The following AOPEP variants were observed in gnomAD, a reference collection of about 807,000 sequenced individuals.
The protein encoded by AOPEP is aminopeptidase O (putative).
In AOPEP, 77 loss-of-function variants were observed where a neutral mutation model predicts 98.1. That is an observed-to-expected ratio of 0.78 (90% CI 0.65 to 0.95). The LOEUF (loss-of-function observed/expected upper bound fraction) is 0.95. Ranked by LOEUF, AOPEP falls within the 40% of genes least tolerant of loss-of-function variation. The pLI is 0.00. For synonymous variants in AOPEP, 346 were observed against 365.3 expected (o/e 0.95, Z 0.60); for missense variants, 1,024 against 1,024.7 (o/e 1.00, Z 0.01).
At chr9:95,073,600 T>C (rs1433509952) in intron 14 of AOPEP, among the ~76,000 whole-genome samples, 3 of 152,224 alleles carry the variant, frequency 2.0e-5, no homozygotes, top group Middle Eastern at 3.4e-3. Context: ...CTCACACCTG[T>C]AATGCCACCA....
chr9:95,000,435 C>T (rs766800166), intron 11 of AOPEP, among the ~76,000 whole-genome samples: 33 of 152,116 alleles, frequency 2.2e-4, no homozygotes, highest in Non-Finnish European at 3.5e-4. Context: ...TGGCCGGTCA[C>T]GGTGGCTCAC....
chr9:95,103,891 G>C, the AOPEP span, among the ~76,000 whole-genome samples: 1 of 152,216 alleles, frequency 6.6e-6, no homozygotes, highest in African/African-American at 2.4e-5. Context: ...AGGGTGCAAG[G>C]GCTCTGAAGA....
chr9:95,118,065 C>T, the AOPEP span, among the ~76,000 whole-genome samples: 1 of 152,192 alleles, frequency 6.6e-6, no homozygotes, highest in East Asian at 1.9e-4. Flanking sequence ...GTTGCGCAGG[C>T]TGGAGTGCAG....
At chr9:94,774,311 CAAAAA>C (rs34936539) in intron 3 of AOPEP, among the ~76,000 whole-genome samples, 15 of 67,816 alleles carry the variant, frequency 2.2e-4, no homozygotes, top group Admixed American at 7.7e-4. Flanking sequence ...GACTCCATCT[CAAAAA>C]AAAAAAAAAA....
chr9:94,776,244 ATTTAT>A (rs1842066666), intron 3 of AOPEP, among the ~76,000 whole-genome samples: 1 of 152,248 alleles, frequency 6.6e-6, no homozygotes, highest in East Asian at 1.9e-4. Flanking sequence ...TTTAGAATAA[ATTTAT>A]TTTATAGATA....
At position 94,786,149 on chromosome 9, in the gene AOPEP, A is replaced by G. The variant is rs753271459; in HGVS notation, c.965-6616A>G. Among the ~76,000 whole-genome samples the G allele has an allele frequency of 1.3e-4, 20 of 152,246 alleles. No individual in the cohort carries two copies. The South Asian group carries it at 2.5e-3, about 19-fold the overall frequency. ...ATGAAGACTACAACAACAACAGATG[A>G]TGACAGCACCTAATGTTTCTTGAAC... On this transcript the variant is annotated intron_variant, in intron 3 of 16. Transcript: ENST00000375315.
chr9:95,102,644 T>A, the AOPEP span, among the ~76,000 whole-genome samples: 11 of 152,182 alleles, frequency 7.2e-5, no homozygotes, highest in Non-Finnish European at 1.6e-4. Context: ...TCTGGAAGGG[T>A]TGGGCCGTTC....
intron 13 of AOPEP, among the ~76,000 whole-genome samples, chr9:95,042,204 C>T (rs1421547915): frequency 6.6e-6 from 1 of 152,012 alleles, no homozygotes; most frequent in Non-Finnish European, 1.5e-5. Flanking sequence ...CCCAGCTACT[C>T]GGGAGGCTGA....
the AOPEP span, among the ~76,000 whole-genome samples, chr9:95,095,997 T>C: frequency 1.1e-4 from 16 of 152,144 alleles, no homozygotes; most frequent in African/African-American, 3.9e-4. Flanking sequence ...AATCCTTATT[T>C]ATCTAAGTAA....
chr9:94,951,385 T>A (rs2058088880), intron 7 of AOPEP, among the ~76,000 whole-genome samples: 1 of 152,208 alleles, frequency 6.6e-6, no homozygotes, highest in Non-Finnish European at 1.5e-5. Flanking sequence ...GCAAGGACTT[T>A]GGTGTTCTGT....
chr9:95,048,596 C>T (rs1475645832), intron 13 of AOPEP, among the ~76,000 whole-genome samples: 1 of 152,108 alleles, frequency 6.6e-6, no homozygotes, highest in African/African-American at 2.4e-5. Flanking sequence ...AGCGCAGGCT[C>T]TCCGCCCACG....
chr9:95,097,613 G>C, the AOPEP span, among the ~76,000 whole-genome samples: 677 of 152,324 alleles, frequency 4.4e-3, 2 homozygotes, highest in Non-Finnish European at 7.7e-3. Flanking sequence ...TTTTTCATCA[G>C]TTCCCCTTTA....
intron 1 of AOPEP, among the ~76,000 whole-genome samples, chr9:94,756,821 C>T (rs987054151): frequency 6.6e-6 from 1 of 152,054 alleles, no homozygotes; most frequent in Non-Finnish European, 1.5e-5. Flanking sequence ...TCCTCCAGGC[C>T]TTAAGTCTTA....
At chr9:94,810,385 G>A (rs1294448131) in intron 5 of AOPEP, among the ~76,000 whole-genome samples, 1 of 151,586 alleles carries the variant, frequency 6.6e-6, no homozygotes, top group East Asian at 1.9e-4. Context: ...CGCAATCTCG[G>A]ATCATTGCAT....
At chr9:94,774,154 T>C (rs774998853) in intron 3 of AOPEP, among the ~76,000 whole-genome samples, 1 of 151,720 alleles carries the variant, frequency 6.6e-6, no homozygotes, top group Non-Finnish European at 1.5e-5. Flanking sequence ...CTACTAAAAA[T>C]ACAAAAAATT....
At chr9:95,066,768 G>T (rs2067939407) in intron 14 of AOPEP, among the ~76,000 whole-genome samples, 1 of 152,134 alleles carries the variant, frequency 6.6e-6, no homozygotes, top group African/African-American at 2.4e-5. Flanking sequence ...AAATAGCAGT[G>T]CCCTGATGCT....
At chr9:95,078,706 G>A (rs2069364594) in intron 14 of AOPEP, among the ~76,000 whole-genome samples, 1 of 152,252 alleles carries the variant, frequency 6.6e-6, no homozygotes, top group Non-Finnish European at 1.5e-5. Flanking sequence ...TGGGGAGCTG[G>A]TGCCCATCTT....
chr9:94,906,917 C>T (rs1330092077), intron 5 of AOPEP, among the ~76,000 whole-genome samples: 1 of 152,170 alleles, frequency 6.6e-6, no homozygotes, highest in Non-Finnish European at 1.5e-5. Flanking sequence ...AATGGAATCA[C>T]CTGGTGACCC....
At chr9:95,044,796 A>G (rs1043468105) in intron 13 of AOPEP, among the ~76,000 whole-genome samples, 1 of 152,130 alleles carries the variant, frequency 6.6e-6, no homozygotes, top group Non-Finnish European at 1.5e-5. Flanking sequence ...CCTGGTGGTA[A>G]GGCAGGGCTG....
Sources: gnomAD v4.1 joint callset for allele counts (sites outside exome capture counted in the v4.1 genomes callset) on GRCh38, gnomAD v4.1.1 for gene constraint, MANE v1.5 for transcripts, NCBI Gene and HGNC (gene_info 2026-07-23, HGNC 2026-07-21) for gene names.